Variants in MRPL18 observed in about 807,000 individuals in gnomAD.
MRPL18 encodes mitochondrial ribosomal protein L18.
In MRPL18, 16 loss-of-function variants were observed where a neutral mutation model predicts 20.9. The ratio of observed to expected loss-of-function variants is 0.76; its 90% CI spans 0.52 to 1.16. MRPL18 has a LOEUF of 1.16. MRPL18 is among the 50% of genes most tolerant of loss of function. MRPL18 has a pLI of 0.00. For missense variants in MRPL18, 233 were observed against 230.6 expected (o/e 1.01, Z -0.07); for synonymous variants, 91 against 87.1 (o/e 1.04, Z -0.25).
Position 159,798,115 on chromosome 6 carries a change from T to C in MRPL18, c.535T>C (p.Tyr179His), listed in dbSNP as rs765671116. 4.3e-6 allele frequency: 7 copies of C among 1,611,316 alleles called. No homozygotes were observed. Among genetic ancestry groups the C allele is most frequent in the Non-Finnish European group, 5.9e-6 (7 of 1,177,620 alleles). The change falls in exon 4 of 4, where the codon TAT (tyrosine) becomes CAT (histidine). Residue 179 changes from tyrosine to histidine, a missense_variant. Transcript: ENST00000367034. ...GVVLREPQRI[Y>H]E ...GGTTCTACGGGAACCTCAGAGAATCTATGAATAAATGGAAGCATTAATTGT... is the reference window on the plus strand; with the variant it reads ...GGTTCTACGGGAACCTCAGAGAATCCATGAATAAATGGAAGCATTAATTGT...
intron 2 of MRPL18, among the ~76,000 whole-genome samples, chr6:159,793,866 C>G (rs58849716): frequency 0.01 from 1,518 of 151,590 alleles, 23 homozygotes; most frequent in Middle Eastern, 0.034. Context: ...GAGCCGAGAT[C>G]GCGCCACTGC....
In MRPL18 at chr6:159,798,058, C is replaced by T. The variant is rs750053940; in HGVS notation, c.478C>T (p.Arg160Ter). 9 of 1,612,784 alleles carry T rather than the reference C, an allele frequency of 5.6e-6. No individual in the cohort carries two copies. Among genetic ancestry groups the T allele is most frequent in the Admixed American group, 5.0e-5 (3 of 59,810 alleles). The change falls in exon 4 of 4, where the codon CGA becomes TGA. Residue 160 changes from arginine (R) to a stop codon, truncating the protein, a stop_gained. Transcript: ENST00000367034. LOFTEE classifies it high-confidence loss of function. ...TTCTGATTTTCAAAACCAGATGAAA[C>T]GACTACAAAGTGCCATGACAGAAGG... is the stretch of plus-strand genomic sequence containing the variant. ...PWEAASDSMKRLQSAMTEGGV... is the reference protein window; with the variant it reads ...PWEAASDSMK
Position 159,798,224 on chromosome 6 carries a change from C to T in MRPL18, c.*101C>T. 1.1e-6 allele frequency: 1 copy of T among 930,068 alleles called. No individual in the cohort carries two copies. The highest frequency in any genetic ancestry group is 1.7e-6 in the Non-Finnish European group (1 of 604,700). 57.6% of individuals were successfully genotyped at this position (930,068 alleles called of 1,614,324 possible). On this transcript the variant is annotated 3_prime_UTR_variant, in exon 4 of 4. Coordinates refer to ENST00000367034, the MANE Select transcript of MRPL18 (RefSeq NM_014161.5). ...AAGAACAGCCAGCTTGGAAGTTTTA[C>T]AGCAATAATGTTGCAGTGGAATATT... is the stretch of plus-strand genomic sequence containing the variant.
chr6:159,790,671 A>G (rs773770289), intron 1 of MRPL18, 32 bp downstream of exon 1: 1 of 1,611,708 alleles, frequency 6.2e-7, no homozygotes, highest in South Asian at 1.1e-5. Flanking sequence ...CTCCCAGCTC[A>G]CTCGCCTGGG....
At chr6:159,795,973 C>CA (rs1464921485) in intron 2 of MRPL18, among the ~76,000 whole-genome samples, 4 of 151,928 alleles carry the variant, frequency 2.6e-5, no homozygotes, top group Non-Finnish European at 5.9e-5. Context: ...TTTGTAGAGA[C>CA]AGAGTGTCAC....
At chr6:159,796,117 A>G (rs1378808589) in intron 2 of MRPL18, among the ~76,000 whole-genome samples, 4 of 123,604 alleles carry the variant, frequency 3.2e-5, no homozygotes, top group Admixed American at 9.3e-5. Context: ...TTTTCTTTTG[A>G]CTTCATTTTA....
At chr6:159,796,116 G>T (rs1781022475) in intron 2 of MRPL18, among the ~76,000 whole-genome samples, 1 of 134,412 alleles carries the variant, frequency 7.4e-6, no homozygotes. Context: ...CTTTTCTTTT[G>T]ACTTCATTTT....
In MRPL18 at chr6:159,791,059, C is replaced by G. The variant is rs772564503; in HGVS notation, c.172C>G (p.Leu58Val). 3.3e-5 allele frequency: 53 copies of G among 1,614,072 alleles called. No individual in the cohort carries two copies. The highest frequency in any genetic ancestry group is 4.5e-5 in the Non-Finnish European group (53 of 1,180,026). ...CAACCGGAACCCCCGGAACCTGGAGCTTTTATCTGTAGCCAGGAAAGAGCG... is the reference window on the plus strand; with the variant it reads ...CAACCGGAACCCCCGGAACCTGGAGGTTTTATCTGTAGCCAGGAAAGAGCG... Reference protein sequence around the residue: ...FTNRNPRNLELLSVARKERGW... With the variant: ...FTNRNPRNLEVLSVARKERGW... The change falls in exon 2 of 4, where the codon CTT (leucine) becomes GTT (valine). Residue 58 changes from leucine to valine, a missense_variant. Physicochemically the swap from Leu to Val is conservative, Grantham distance 32. Coordinates refer to ENST00000367034, the MANE Select transcript of MRPL18 (RefSeq NM_014161.5).
intron 1 of MRPL18, 81 bp downstream of exon 1, chr6:159,790,720 A>G (rs1201121774): frequency 6.4e-7 from 1 of 1,566,750 alleles, no homozygotes; most frequent in African/African-American, 1.4e-5. Flanking sequence ...TCTATTTTGT[A>G]TTCGACGTGC....
chr6:159,790,524 C>T lies in MRPL18; in HGVS notation c.-64C>T, dbSNP rs1780844616. ...TGTCCCTGACTTTATATGGCTGCTC[C>T]TGGCGAGCGACTGAGTCGTCCGTGA... On this transcript the variant is annotated 5_prime_UTR_variant, in exon 1 of 4. Transcript: ENST00000367034. 6 of 1,610,638 alleles carry T rather than the reference C, an allele frequency of 3.7e-6. No individual in the cohort carries two copies. The highest frequency in any genetic ancestry group is 5.1e-6 in the Non-Finnish European group (6 of 1,177,148).
intron 2 of MRPL18, among the ~76,000 whole-genome samples, chr6:159,791,849 G>A (rs993206737): frequency 7.2e-5 from 11 of 151,914 alleles, no homozygotes; most frequent in Admixed American, 2.6e-4. Flanking sequence ...AGGTTGCAGT[G>A]AGCTGAGCGC....
intron 2 of MRPL18, among the ~76,000 whole-genome samples, chr6:159,795,458 C>T (rs1015163245): frequency 7.5e-5 from 7 of 92,852 alleles, no homozygotes. Flanking sequence ...TGACTCTTAA[C>T]GAGCATGCTG....
At chr6:159,792,733 G>C (rs543694943) in intron 2 of MRPL18, among the ~76,000 whole-genome samples, 1 of 152,266 alleles carries the variant, frequency 6.6e-6, no homozygotes, top group Admixed American at 6.5e-5. Flanking sequence ...ACTTCCCTGG[G>C]CTCCAGCAAT....
At chr6:159,790,741 T>A in intron 1 of MRPL18, 102 bp downstream of exon 1, 1 of 1,521,866 alleles carries the variant, frequency 6.6e-7, no homozygotes, top group Non-Finnish European at 9.0e-7. Flanking sequence ...CGGATCGAAA[T>A]AGAGCTCGCG....
intron 1 of MRPL18, 75 bp from the exon 2 acceptor site, chr6:159,790,865 T>A: frequency 6.4e-7 from 1 of 1,554,850 alleles, no homozygotes; most frequent in Non-Finnish European, 8.7e-7. Context: ...TAAAAGCGGA[T>A]AGACGTTAGA....
At chr6:159,790,450 C>A, upstream of MRPL18, 1 of 1,055,342 alleles carries the variant, frequency 9.5e-7, no homozygotes, top group Non-Finnish European at 1.4e-6. Context: ...ACTTCCGGGT[C>A]GGTGGCGTCT....
rs751660365 is a variant in MRPL18, at chr6:159,791,175, A to G, written c.239+49A>G. 6.3e-6 allele frequency: 10 copies of G among 1,591,916 alleles called. No individual in the cohort carries two copies. The African/African-American group carries it at 6.7e-5, about 11-fold the overall frequency. On this transcript the variant is annotated intron_variant, in intron 2 of 3. Transcript: ENST00000367034. Reference sequence around the variant, plus strand: ...ACAAGGGCAGTGCACCCTACAGACTATTTTCATTCATTCAACTCCAGGCAC... The same window carrying G: ...ACAAGGGCAGTGCACCCTACAGACTGTTTTCATTCATTCAACTCCAGGCAC...
chr6:159,794,043 G>A (rs750534429), intron 2 of MRPL18, among the ~76,000 whole-genome samples: 6 of 152,182 alleles, frequency 3.9e-5, no homozygotes, highest in Non-Finnish European at 7.3e-5. Context: ...TGATTTGGGT[G>A]TGTTTTCTTT....
intron 2 of MRPL18, among the ~76,000 whole-genome samples, chr6:159,792,315 A>C (rs746211447): frequency 1.3e-5 from 2 of 152,186 alleles, no homozygotes; most frequent in Non-Finnish European, 2.9e-5. Context: ...CTTCTTAAGT[A>C]CTATGTAAAG....
Sources: allele counts gnomAD v4.1 joint callset (sites outside exome capture counted in the v4.1 genomes callset), GRCh38; gene constraint gnomAD v4.1.1; transcripts MANE v1.5; gene names NCBI Gene and HGNC (gene_info 2026-07-23, HGNC 2026-07-21).